The following CA10 variants were observed in gnomAD, a reference collection of about 807,000 sequenced individuals.
The protein encoded by CA10 is carbonic anhydrase 10 (inactive).
Under a neutral mutation model 44.2 loss-of-function variants are expected in CA10, and 14 were observed. The observed-to-expected ratio is 0.32, with a 90% CI of 0.21 to 0.50. The LOEUF is 0.50. CA10 is among the 20% of genes least tolerant of loss of function. The probability of loss-of-function intolerance (pLI) is 0.99; values close to 1 mark genes in which losing one functional copy is unlikely to be tolerated. For synonymous variants in CA10, 159 were observed against 141.6 expected (o/e 1.12, Z -0.87); for missense variants, 350 against 409.7 (o/e 0.85, Z 1.26).
At chr17:52,039,668 G>A (rs1312348168) in intron 2 of CA10, among the ~76,000 whole-genome samples, 1 of 152,060 alleles carries the variant, frequency 6.6e-6, no homozygotes, top group Admixed American at 6.6e-5. Flanking sequence ...TTTGTCATGG[G>A]AAGTAATTGA....
intron 3 of CA10, among the ~76,000 whole-genome samples, chr17:51,769,730 C>T (rs1905526644): frequency 2.0e-5 from 3 of 152,158 alleles, no homozygotes; most frequent in Non-Finnish European, 4.4e-5. Flanking sequence ...AACACTACTT[C>T]CTGGGCACTC....
intron 4 of CA10, among the ~76,000 whole-genome samples, chr17:51,724,094 G>T (rs544068386): frequency 2.0e-5 from 3 of 152,174 alleles, no homozygotes; most frequent in Non-Finnish European, 4.4e-5. Context: ...GAGGAATGAG[G>T]TTTTGGATAG....
chr17:51,754,856 A>G (rs1009034662), intron 3 of CA10, among the ~76,000 whole-genome samples: 5 of 152,114 alleles, frequency 3.3e-5, no homozygotes, highest in Non-Finnish European at 5.9e-5. Context: ...TCTTAACCAA[A>G]TAGTTGTTCT....
intron 1 of CA10, among the ~76,000 whole-genome samples, chr17:52,087,325 A>T (rs1276551243): frequency 6.6e-6 from 1 of 152,160 alleles, no homozygotes; most frequent in Non-Finnish European, 1.5e-5. Flanking sequence ...TATTTTTAGT[A>T]GAGACAGAGT....
At chr17:51,768,601 A>G (rs1478262413) in intron 3 of CA10, among the ~76,000 whole-genome samples, 1 of 152,182 alleles carries the variant, frequency 6.6e-6, no homozygotes, top group Non-Finnish European at 1.5e-5. Context: ...AGAGACATTT[A>G]TGAGGCCAGG....
intron 3 of CA10, among the ~76,000 whole-genome samples, chr17:51,887,190 GA>G (rs11298602): frequency 0.13 from 18,736 of 145,318 alleles, 1,723 homozygotes; most frequent in African/African-American, 0.27. Flanking sequence ...GGAAAAAAAT[GA>G]AAAAAAAAAA....
chr17:51,948,350 C>T (rs1983361274), intron 2 of CA10, among the ~76,000 whole-genome samples: 1 of 152,150 alleles, frequency 6.6e-6, no homozygotes, highest in Non-Finnish European at 1.5e-5. Flanking sequence ...TGGCATTATT[C>T]CAGCGATGGG....
At chr17:51,765,452 C>T (rs1392190727) in intron 3 of CA10, among the ~76,000 whole-genome samples, 3 of 152,138 alleles carry the variant, frequency 2.0e-5, no homozygotes, top group East Asian at 1.9e-4. Flanking sequence ...GCAGGGTCAC[C>T]GTCTTCCCAA....
chr17:51,793,521 C>A (rs1393701540), intron 3 of CA10, among the ~76,000 whole-genome samples: 1 of 152,132 alleles, frequency 6.6e-6, no homozygotes, highest in African/African-American at 2.4e-5. Flanking sequence ...GCTGGATACC[C>A]CACAGAAACC....
intron 2 of CA10, among the ~76,000 whole-genome samples, chr17:51,966,310 T>G (rs1984079629): frequency 6.6e-6 from 1 of 151,970 alleles, no homozygotes; most frequent in African/African-American, 2.4e-5. Flanking sequence ...TTCAATTTTA[T>G]TCCTATTATA....
chr17:51,708,596 CAAAGT>C (rs765761595), intron 4 of CA10, among the ~76,000 whole-genome samples: 9 of 152,088 alleles, frequency 5.9e-5, no homozygotes, highest in Admixed American at 2.0e-4. Flanking sequence ...TGGAAGGATG[CAAAGT>C]ATTTTTCCTG....
chr17:51,645,775 G>A (rs532008184), intron 6 of CA10, among the ~76,000 whole-genome samples: 1 of 152,272 alleles, frequency 6.6e-6, no homozygotes, highest in Non-Finnish European at 1.5e-5. Flanking sequence ...ACCTGTATTT[G>A]GATACTTGCT....
chr17:52,090,039 T>A (rs1988218691), intron 1 of CA10, among the ~76,000 whole-genome samples: 1 of 152,172 alleles, frequency 6.6e-6, no homozygotes. Context: ...GCCATGATTT[T>A]AAAATAGGCA....
chr17:52,143,196 C>T (rs1341042761), intron 1 of CA10, among the ~76,000 whole-genome samples: 1 of 152,132 alleles, frequency 6.6e-6, no homozygotes, highest in Non-Finnish European at 1.5e-5. Context: ...AATGACATAT[C>T]TATCCATCTA....
chr17:51,922,310 C>T (rs757557922), intron 3 of CA10, among the ~76,000 whole-genome samples: 34 of 152,154 alleles, frequency 2.2e-4, no homozygotes, highest in Non-Finnish European at 4.0e-4. Context: ...CATTTATCTA[C>T]GATAGTGCTG....
At chr17:51,657,656 C>G (rs536739729) in intron 4 of CA10, among the ~76,000 whole-genome samples, 1 of 152,168 alleles carries the variant, frequency 6.6e-6, no homozygotes, top group African/African-American at 2.4e-5. Context: ...AAATCTCAAC[C>G]ATATAAAGTC....
intron 3 of CA10, among the ~76,000 whole-genome samples, chr17:51,922,803 C>T (rs975326707): frequency 6.6e-6 from 1 of 152,118 alleles, no homozygotes; most frequent in Admixed American, 6.6e-5. Context: ...CCATGTCTGA[C>T]AATGCCTAGC....
At chr17:51,959,797 G>GAAGAA (rs1555614225) in intron 2 of CA10, among the ~76,000 whole-genome samples, 2 of 112,376 alleles carry the variant, frequency 1.8e-5, no homozygotes, top group Non-Finnish European at 3.5e-5. Context: ...CTGCTAAGAT[G>GAAGAA]AAAAAAAAAA....
intron 1 of CA10, among the ~76,000 whole-genome samples, chr17:52,082,068 T>C (rs1987998280): frequency 6.6e-6 from 1 of 152,152 alleles, no homozygotes; most frequent in African/African-American, 2.4e-5. Context: ...ATTAAAGCTG[T>C]CTCAAGGGTA....
Sources: gnomAD v4.1 joint callset for allele counts (sites outside exome capture counted in the v4.1 genomes callset) on GRCh38, gnomAD v4.1.1 for gene constraint, MANE v1.5 for transcripts, NCBI Gene and HGNC (gene_info 2026-07-23, HGNC 2026-07-21) for gene names.